The following ARHGAP10 variants were observed in gnomAD, a reference collection of about 807,000 sequenced individuals.
ARHGAP10 encodes the protein Rho GTPase activating protein 10, also known as rho GTPase-activating protein 10.
In ARHGAP10, 87 loss-of-function variants were observed where a neutral mutation model predicts 108.6. That is an observed-to-expected ratio of 0.80 (90% CI 0.67 to 0.96). The LOEUF (loss-of-function observed/expected upper bound fraction) is 0.96. Among genes scored for constraint, ARHGAP10 ranks in the 40% least tolerant of loss-of-function variants. ARHGAP10 has a pLI of 0.00. For missense variants in ARHGAP10, 939 were observed against 954.5 expected, an observed-to-expected ratio of 0.98 and a Z score of 0.21; for synonymous variants, 347 against 341.1, an observed-to-expected ratio of 1.02 and a Z score of -0.19.
At chr4:147,913,238 A>T in intron 13 of ARHGAP10, 99 bp downstream of exon 13, 1 of 1,014,434 alleles carries the variant, frequency 9.9e-7, no homozygotes, top group East Asian at 2.5e-5. Flanking sequence ...ACAGAATGAA[A>T]CGTGTTAACA....
At chr4:148,008,060 A>G (rs998458927) in intron 18 of ARHGAP10, among the ~76,000 whole-genome samples, 2 of 152,166 alleles carry the variant, frequency 1.3e-5, no homozygotes, top group African/African-American at 4.8e-5. Context: ...TCAGCTTGCA[A>G]TCATGGCCTG....
At chr4:147,945,805 A>T (rs1367621833) in intron 14 of ARHGAP10, among the ~76,000 whole-genome samples, 1 of 152,126 alleles carries the variant, frequency 6.6e-6, no homozygotes, top group African/African-American at 2.4e-5. Context: ...TCACCAGGAA[A>T]AATTAGACAT....
intron 1 of ARHGAP10, among the ~76,000 whole-genome samples, chr4:147,785,346 C>A (rs559066546): frequency 2.0e-5 from 3 of 152,060 alleles, no homozygotes; most frequent in African/African-American, 4.8e-5. Flanking sequence ...TCTCTGGTCC[C>A]GGATTTGACA....
chr4:147,898,592 T>C (rs1736093250), intron 10 of ARHGAP10, among the ~76,000 whole-genome samples: 1 of 152,160 alleles, frequency 6.6e-6, no homozygotes, highest in South Asian at 2.1e-4. Flanking sequence ...TCTGTTTATT[T>C]TTTGGGATTC....
intron 1 of ARHGAP10, among the ~76,000 whole-genome samples, chr4:147,784,523 T>C (rs1352148184): frequency 6.1e-5 from 2 of 32,810 alleles, no homozygotes; most frequent in African/African-American, 1.2e-4. Flanking sequence ...AAAATATATA[T>C]AATATAAAAC....
chr4:148,000,071 C>A (rs564790253), intron 18 of ARHGAP10, among the ~76,000 whole-genome samples: 1 of 152,116 alleles, frequency 6.6e-6, no homozygotes, highest in Admixed American at 6.5e-5. Flanking sequence ...TGCTGTCCCT[C>A]CCCCTCTCCC....
intron 18 of ARHGAP10, among the ~76,000 whole-genome samples, chr4:147,999,798 G>A (rs1369601811): frequency 6.6e-6 from 1 of 152,184 alleles, no homozygotes; most frequent in Non-Finnish European, 1.5e-5. Context: ...GAGCTCTGGG[G>A]CAAGGACCCC....
chr4:148,022,372 G>T (rs1673682470), intron 18 of ARHGAP10, among the ~76,000 whole-genome samples: 1 of 152,180 alleles, frequency 6.6e-6, no homozygotes, highest in Non-Finnish European at 1.5e-5. Context: ...TCCACCTGAG[G>T]AACGTCAGCC....
chr4:147,915,640 A>G (rs1341306813), intron 13 of ARHGAP10, among the ~76,000 whole-genome samples: 1 of 152,198 alleles, frequency 6.6e-6, no homozygotes, highest in Non-Finnish European at 1.5e-5. Context: ...GAATAGGTCT[A>G]CACATTTTAT....
At chr4:147,771,159 C>T (rs1277117520) in intron 1 of ARHGAP10, among the ~76,000 whole-genome samples, 1 of 152,104 alleles carries the variant, frequency 6.6e-6, no homozygotes, top group Non-Finnish European at 1.5e-5. Flanking sequence ...GCCTGGGCAA[C>T]AAGGCGAGAC....
In ARHGAP10 at chr4:147,796,514, A is replaced by G. The variant is rs537366436; in HGVS notation, c.155-26213A>G. On this transcript the variant is annotated intron_variant, in intron 1 of 22. Transcript: ENST00000336498. ...TACTGGTTCATCTCTTTTTTTCCTT[A>G]TTTCTTTTTTTTTATTTTTCTTTTC... Among the ~76,000 whole-genome samples, 4 of 150,992 alleles carry G rather than the reference A, an allele frequency of 2.6e-5. No individual in the cohort carries two copies. The South Asian group carries it at 8.4e-4, about 32-fold the overall frequency.
chr4:147,902,926 G>A, intron 10 of ARHGAP10, among the ~76,000 whole-genome samples: 1 of 151,814 alleles, frequency 6.6e-6, no homozygotes, highest in South Asian at 2.1e-4. Flanking sequence ...GGGGAGGGCG[G>A]GGGTGTGTGG....
intron 14 of ARHGAP10, among the ~76,000 whole-genome samples, chr4:147,943,999 G>A (rs1448363593): frequency 6.6e-6 from 1 of 152,188 alleles, no homozygotes; most frequent in Non-Finnish European, 1.5e-5. Flanking sequence ...TCATAATTTG[G>A]TAGAAAGCTG....
intron 19 of ARHGAP10, among the ~76,000 whole-genome samples, chr4:148,032,292 G>A (rs1048144464): frequency 2.5e-5 from 3 of 119,108 alleles, no homozygotes; most frequent in Non-Finnish European, 5.0e-5. Flanking sequence ...CCATCTTTTA[G>A]GTAAAAAATT....
At chr4:147,908,771 A>G (rs1459850707) in intron 11 of ARHGAP10, among the ~76,000 whole-genome samples, 1 of 152,194 alleles carries the variant, frequency 6.6e-6, no homozygotes, top group African/African-American at 2.4e-5. Context: ...ATCACTCCAT[A>G]GCTGTACGGC....
chr4:147,837,643 G>GTTTTATTTTTTTTTTTTTTT (rs1733223419), intron 3 of ARHGAP10, among the ~76,000 whole-genome samples: 1 of 70,220 alleles, frequency 1.4e-5, no homozygotes. Flanking sequence ...TCTGGTCACT[G>GTTTTATTTTTTTTTTTTTTT]TTTTTTTTTT....
chr4:147,964,472 C>T (rs1739129874), intron 16 of ARHGAP10, among the ~76,000 whole-genome samples: 1 of 152,186 alleles, frequency 6.6e-6, no homozygotes, highest in Non-Finnish European at 1.5e-5. Flanking sequence ...TGAGTCTAAA[C>T]TTTTCCCTTC....
chr4:147,796,937 G>C (rs545884976), intron 1 of ARHGAP10, among the ~76,000 whole-genome samples: 4 of 152,232 alleles, frequency 2.6e-5, no homozygotes, highest in African/African-American at 7.2e-5. Flanking sequence ...CTTCCACGGA[G>C]GCTTGTTGAT....
At chr4:147,863,823 A>G (rs1240292927) in intron 5 of ARHGAP10, 2 of 152,132 alleles carry the variant, frequency 1.3e-5, no homozygotes, top group African/African-American at 2.4e-5. Context: ...TTAAAGCACT[A>G]TTTTTCACAG....
Sources: gnomAD v4.1 joint callset for allele counts (sites outside exome capture counted in the v4.1 genomes callset) on GRCh38, gnomAD v4.1.1 for gene constraint, MANE v1.5 for transcripts, NCBI Gene and HGNC (gene_info 2026-07-23, HGNC 2026-07-21) for gene names.